Variants in MAPK10 observed in about 807,000 individuals in gnomAD.
MAPK10 encodes the protein mitogen-activated protein kinase 10.
Under a neutral mutation model 59.3 loss-of-function variants are expected in MAPK10, and 25 were observed. The observed-to-expected ratio is 0.42, with a 90% CI of 0.31 to 0.59. The LOEUF is 0.59. MAPK10 is among the 20% of genes least tolerant of loss of function. The pLI, the probability that MAPK10 is intolerant of heterozygous loss-of-function variation, is 0.15. For synonymous variants in MAPK10, 190 were observed against 200.5 expected (o/e 0.95, Z 0.44); for missense variants, 351 against 568.9 (o/e 0.62, Z 3.90).
intron 2 of MAPK10, among the ~76,000 whole-genome samples, chr4:86,333,179 G>A (rs1441565237): frequency 6.6e-6 from 1 of 152,044 alleles, no homozygotes; most frequent in Admixed American, 6.6e-5. Context: ...AAATATGTTA[G>A]GCCATACCCG....
intron 3 of MAPK10, among the ~76,000 whole-genome samples, chr4:86,183,539 T>C (rs1251017144): frequency 6.6e-6 from 1 of 152,088 alleles, no homozygotes; most frequent in Middle Eastern, 3.2e-3. Context: ...CAGTCTATCA[T>C]TGTTGGACAT....
At chr4:86,367,166 T>C (rs1738031970) in intron 1 of MAPK10, among the ~76,000 whole-genome samples, 4 of 152,134 alleles carry the variant, frequency 2.6e-5, no homozygotes, top group Admixed American at 2.6e-4. Flanking sequence ...TGAATTAGGA[T>C]GGTAGCAAGG....
At chr4:86,257,331 A>C (rs1388220102) in intron 2 of MAPK10, among the ~76,000 whole-genome samples, 1 of 152,186 alleles carries the variant, frequency 6.6e-6, no homozygotes. Flanking sequence ...AATATGATAC[A>C]CTGTAGCTTA....
chr4:86,305,464 G>A lies in MAPK10; in HGVS notation c.-7+49066C>T, dbSNP rs7669060. On this transcript the variant is annotated intron_variant, in intron 2 of 13. Transcript: ENST00000641462. ...TAAAACTATTAAGAATCTAAGAAAA[G>A]GTAATCCTGAAATATAGTGGTACGG... Among the ~76,000 whole-genome samples, 1,367 of 152,182 alleles carry A rather than the reference G, an allele frequency of 9.0e-3. 13 individuals are homozygous for A. The highest frequency in any genetic ancestry group is 0.031 in the African/African-American group (1,294 of 41,524).
intron 1 of MAPK10, among the ~76,000 whole-genome samples, chr4:86,520,050 C>A (rs1757001859): frequency 6.6e-6 from 1 of 152,084 alleles, no homozygotes; most frequent in East Asian, 1.9e-4. Flanking sequence ...TCTTAAGATT[C>A]TTTTCTTTAT....
chr4:86,140,805 G>A (rs941935521), intron 4 of MAPK10, among the ~76,000 whole-genome samples: 11 of 152,056 alleles, frequency 7.2e-5, no homozygotes, highest in African/African-American at 2.4e-4. Flanking sequence ...ACGCATGCAC[G>A]CATAACTATT....
chr4:86,071,769 G>A (rs2048039280), intron 9 of MAPK10, among the ~76,000 whole-genome samples: 1 of 150,848 alleles, frequency 6.6e-6, no homozygotes, highest in South Asian at 2.1e-4. Context: ...TTAGGTACCA[G>A]TACCATGCTG....
intron 1 of MAPK10, among the ~76,000 whole-genome samples, chr4:86,523,807 A>G (rs1220233441): frequency 6.6e-6 from 1 of 152,160 alleles, no homozygotes; most frequent in Non-Finnish European, 1.5e-5. Context: ...TCCGATGGTT[A>G]TTTCATCTGG....
At chr4:86,320,043 T>C (rs749960867) in intron 2 of MAPK10, among the ~76,000 whole-genome samples, 2 of 152,226 alleles carry the variant, frequency 1.3e-5, no homozygotes, top group Non-Finnish European at 2.9e-5. Flanking sequence ...TTGAAAGTAA[T>C]GAGAAGTAGT....
At position 86,502,838 on chromosome 4, in the gene MAPK10, G is replaced by A. The variant is rs536857942; in HGVS notation, c.-263+91072C>T. Reference sequence around the variant, plus strand: ...CATTTTCATTCTAAAAGACATTTTTGCCAAAATTTACCACCAACACCTCAA... The same window carrying A: ...CATTTTCATTCTAAAAGACATTTTTACCAAAATTTACCACCAACACCTCAA... On this transcript the variant is annotated intron_variant, in intron 1 of 4. Transcript: ENST00000502302. 2.6e-5 allele frequency among the ~76,000 whole-genome samples: 4 copies of A among 151,994 alleles called. 1 individual carries two copies. The highest frequency in any genetic ancestry group is 4.1e-4 in the South Asian group (2 of 4,820).
intron 2 of MAPK10, among the ~76,000 whole-genome samples, chr4:86,248,637 T>C (rs1445158663): frequency 6.6e-6 from 1 of 152,212 alleles, no homozygotes; most frequent in African/African-American, 2.4e-5. Flanking sequence ...GAAGAATCTT[T>C]CTCAAGTCAG....
intron 9 of MAPK10, chr4:86,081,591 C>T (rs2050664367): frequency 6.6e-6 from 1 of 151,900 alleles, no homozygotes; most frequent in South Asian, 2.1e-4. Flanking sequence ...CCAATGAACA[C>T]AGGAAAAGAT....
chr4:86,329,607 T>A (rs1202945377), intron 2 of MAPK10, among the ~76,000 whole-genome samples: 1 of 152,192 alleles, frequency 6.6e-6, no homozygotes, highest in East Asian at 1.9e-4. Context: ...TTGGGGCTTA[T>A]GACAGTGTGA....
intron 11 of MAPK10, among the ~76,000 whole-genome samples, chr4:86,041,427 G>C (rs1310837554): frequency 2.6e-5 from 4 of 152,086 alleles, no homozygotes; most frequent in Non-Finnish European, 2.9e-5. Context: ...CATGGGCAAA[G>C]ACCTCATTAC....
chr4:86,059,940 A>G (rs546075006), intron 11 of MAPK10, among the ~76,000 whole-genome samples: 1 of 152,216 alleles, frequency 6.6e-6, no homozygotes, highest in East Asian at 1.9e-4. Flanking sequence ...CACCTACTAG[A>G]GAAAAGAATT....
At chr4:86,092,111 T>C (rs1035234104) in intron 9 of MAPK10, among the ~76,000 whole-genome samples, 2 of 152,194 alleles carry the variant, frequency 1.3e-5, no homozygotes, top group Non-Finnish European at 2.9e-5. Flanking sequence ...GAACTCAAAA[T>C]AGATTTAATA....
At chr4:86,534,767 G>A (rs781145696) in intron 1 of MAPK10, among the ~76,000 whole-genome samples, 12 of 152,042 alleles carry the variant, frequency 7.9e-5, no homozygotes, top group Non-Finnish European at 1.3e-4. Flanking sequence ...TTAGCCAAGC[G>A]TAGTGGCACA....
At chr4:86,395,843 T>C (rs1261802902) in intron 1 of MAPK10, among the ~76,000 whole-genome samples, 1 of 152,200 alleles carries the variant, frequency 6.6e-6, no homozygotes, top group African/African-American at 2.4e-5. Context: ...GTATGAGCAC[T>C]AGTCCCATCA....
intron 1 of MAPK10, among the ~76,000 whole-genome samples, chr4:86,458,977 C>T (rs1751483343): frequency 1.3e-5 from 2 of 152,102 alleles, no homozygotes; most frequent in Admixed American, 1.3e-4. Flanking sequence ...GAATAGACAA[C>T]CCACAGAATG....
Sources: gnomAD v4.1 joint callset for allele counts (sites outside exome capture counted in the v4.1 genomes callset) on GRCh38, gnomAD v4.1.1 for gene constraint, MANE v1.5 for transcripts, NCBI Gene and HGNC (gene_info 2026-07-23, HGNC 2026-07-21) for gene names.